CEACAM16: variants seen among roughly 807,000 people sequenced by gnomAD.
CEACAM16 encodes the protein CEA cell adhesion molecule 16, tectorial membrane component, also known as cell adhesion molecule CEACAM16.
In CEACAM16, 30 loss-of-function variants were observed where a neutral mutation model predicts 39.4. That is an observed-to-expected ratio of 0.76 (90% CI 0.57 to 1.03). CEACAM16 has a LOEUF of 1.03. Ranked by LOEUF, CEACAM16 falls within the 50% of genes least tolerant of loss-of-function variation. The pLI, the probability that CEACAM16 is intolerant of heterozygous loss-of-function variation, is 0.00. For synonymous variants in CEACAM16, 262 were observed against 264.9 expected (o/e 0.99, Z 0.11); for missense variants, 521 against 585.3 (o/e 0.89, Z 1.13).
chr19:44,710,379 T>C (rs1974518024), intron 6 of CEACAM16, 117 bp from the exon 7 acceptor site: 7 of 1,103,104 alleles, frequency 6.3e-6, no homozygotes. Flanking sequence ...GTGGGGTGGA[T>C]TGGGCCACTG....
In CEACAM16 at chr19:44,704,048, A is replaced by C; in HGVS notation, c.413A>C (p.Asn138Thr). 6.2e-7 allele frequency: 1 copy of C among 1,606,678 alleles called. No homozygotes were observed. The change falls in exon 4 of 7, where the codon AAC (asparagine) becomes ACC (threonine). Residue 138 changes from asparagine (N) to threonine (T), a missense_variant. Physicochemically the swap from Asn to Thr is moderately conservative, Grantham distance 65 (BLOSUM62 0). Transcript: ENST00000587331. ...EILAQPTVLA[N>T]STALVERRDT... Reference sequence around the variant, plus strand: ...CTGGCCCAGCCCACAGTCTTGGCCAACAGCACAGCGCTGGTGGAACGTCGA... The same window carrying C: ...CTGGCCCAGCCCACAGTCTTGGCCACCAGCACAGCGCTGGTGGAACGTCGA...
At position 44,707,881 on chromosome 19, in the gene CEACAM16, A is replaced by G; in HGVS notation, c.961A>G (p.Ile321Val). Reference protein sequence around the residue: ...KLSAAAVATMIVPVPTKPTEG... With the variant: ...KLSAAAVATMVVPVPTKPTEG... ...CCCAGCTGCAGCAGTTGCCACGATGATCGTGCCCGTGCCCACCAAGCCAAC... is the reference window on the plus strand; with the variant it reads ...CCCAGCTGCAGCAGTTGCCACGATGGTCGTGCCCGTGCCCACCAAGCCAAC... The change falls in exon 6 of 7, where the codon ATC (isoleucine) becomes GTC (valine). Residue 321 changes from isoleucine (I) to valine (V), a missense_variant. Physicochemically the swap from Ile to Val is conservative, Grantham distance 29. Transcript: ENST00000587331. 1 of 1,553,426 alleles carries G rather than the reference A, an allele frequency of 6.4e-7. No individual in the cohort carries two copies. Among genetic ancestry groups the G allele is most frequent in the Non-Finnish European group, 8.8e-7 (1 of 1,141,654 alleles).
intron 4 of CEACAM16, among the ~76,000 whole-genome samples, chr19:44,704,855 A>C (rs1974417639): frequency 6.6e-6 from 1 of 152,244 alleles, no homozygotes; most frequent in South Asian, 2.1e-4. Flanking sequence ...AGTTAGGAGC[A>C]ATATCTACAG....
At chr19:44,704,339 C>T in intron 4 of CEACAM16, 43 bp downstream of exon 4, 1 of 1,446,472 alleles carries the variant, frequency 6.9e-7, no homozygotes, top group Non-Finnish European at 9.1e-7. Flanking sequence ...GTGTCCAAAC[C>T]TCATGGATGG....
chr19:44,704,644 A>G (rs897679353), intron 4 of CEACAM16, among the ~76,000 whole-genome samples: 1 of 152,048 alleles, frequency 6.6e-6, no homozygotes, highest in African/African-American at 2.4e-5. Flanking sequence ...AGATGGGAGG[A>G]TTCCTTGAGC....
rs577629047 is a variant in CEACAM16 at position 44,704,186 on chromosome 19, G to A, written c.551G>A (p.Arg184Gln). The A allele has an allele frequency of 6.2e-5, 98 of 1,571,278 alleles. No individual in the cohort carries two copies. The East Asian group carries it at 9.2e-4, about 15-fold the overall frequency. Residue 184 changes from arginine to glutamine, a missense_variant, in exon 4 of 7, where the codon CGG becomes CAG. Arg to Gln is a conservative substitution (Grantham distance 43). Transcript: ENST00000587331. ...ALRLGLSPDG[R>Q]VLARHGIRRE... is the part of the protein sequence containing the mutation. ...CGCCTGGGCCTGTCCCCTGACGGCCGGGTGCTGGCCAGGCATGGCATCCGC... is the reference window on the plus strand; with the variant it reads ...CGCCTGGGCCTGTCCCCTGACGGCCAGGTGCTGGCCAGGCATGGCATCCGC...
Position 44,705,802 on chromosome 19 carries a change from A to C in CEACAM16, c.874A>C (p.Thr292Pro). The C allele has an allele frequency of 1.2e-6, 2 of 1,614,010 alleles. No individual in the cohort carries two copies. Among genetic ancestry groups the C allele is most frequent in the Non-Finnish European group, 1.7e-6 (2 of 1,179,886 alleles). ...SMTAAQEGTY[T>P]CIAKNTKTLL... ...GACAGCCGCCCAGGAGGGGACGTAC[A>C]CATGTATTGCGAAGAACACCAAGAC... is the stretch of plus-strand genomic sequence containing the variant. Residue 292 changes from threonine to proline, a missense_variant, in exon 5 of 7, where the codon ACA becomes CCA. Coordinates refer to ENST00000587331, the MANE Select transcript of CEACAM16 (RefSeq NM_001039213.4).
chr19:44,699,494 A>G (rs1433442880), intron 1 of CEACAM16: 4 of 452,190 alleles, frequency 8.8e-6, no homozygotes, highest in South Asian at 6.5e-5. Flanking sequence ...CTCCTGCTTC[A>G]GCCTCCCAAG....
chr19:44,710,353 C>G (rs1974517733), intron 6 of CEACAM16, 143 bp from the exon 7 acceptor site: 1 of 824,874 alleles, frequency 1.2e-6, no homozygotes, highest in Non-Finnish European at 1.9e-6. Flanking sequence ...GAACCTGAAC[C>G]TGGCACAGGC....
intron 2 of CEACAM16, 104 bp from the exon 3 acceptor site, chr19:44,703,245 G>A: frequency 9.9e-7 from 1 of 1,007,320 alleles, no homozygotes; most frequent in Non-Finnish European, 1.4e-6. Context: ...TTACACAGAG[G>A]ACACTGGGCT....
chr19:44,701,363 C>G lies in CEACAM16; in HGVS notation c.-94C>G, dbSNP rs1340284176. 7.5e-7 allele frequency: 1 copy of G among 1,335,734 alleles called. No individual in the cohort carries two copies. The allele number at this position is 1,335,734 out of a possible 1,614,324, so 82.7% of individuals were successfully genotyped here. On this transcript the variant is annotated splice_region_variant and 5_prime_UTR_variant, in exon 2 of 7. Transcript: ENST00000587331. The surrounding 1 kb of genome is among the most constrained non-coding windows in gnomAD (Gnocchi z 4.0). ...TCCAAATCACCAAACCCTCCCAGGT[C>G]CTGCGGCAGACGGAGCCGAGCCCCA...
Position 44,708,123 on chromosome 19 carries a change from C to T in CEACAM16, c.1203C>T (p.Tyr401=), listed in dbSNP as rs61744494. 5.2e-4 allele frequency: 831 copies of T among 1,609,188 alleles called. 4 individuals carry two copies. The African/African-American group carries it at 9.6e-3, about 19-fold the overall frequency. The change falls in exon 6 of 7, where the codon TAC becomes TAT. Residue 401 remains tyrosine, a synonymous_variant. Coordinates refer to ENST00000587331, the MANE Select transcript of CEACAM16 (RefSeq NM_001039213.4). ...TGAACCTCACAGACACTGGCCGCTA[C>T]ACACTCAAGACTGTCACAGTGCAGG... The part of the protein sequence containing the change: ...QKLNLTDTGR[Y]TLKTVTVQGK...
chr19:44,702,611 C>T (rs530037768), intron 2 of CEACAM16, among the ~76,000 whole-genome samples: 3 of 152,386 alleles, frequency 2.0e-5, no homozygotes, highest in African/African-American at 7.2e-5. Context: ...GGCTGATCTG[C>T]TTGGTTGAGA....
chr19:44,701,619 C>T lies in CEACAM16; in HGVS notation c.37+126C>T, dbSNP rs1369391345. 8 of 918,806 alleles carry T rather than the reference C, an allele frequency of 8.7e-6. No homozygotes were observed. Among genetic ancestry groups the T allele is most frequent in the South Asian group, 1.4e-5 (1 of 70,858 alleles). 56.9% of individuals were successfully genotyped at this position (918,806 alleles called of 1,614,324 possible). A position where few individuals can be genotyped will look rare whatever the true frequency, so the allele number is the denominator to read the frequency against. ...AGCGTGCTAGGGAGGGAGGGCAGCC[C>T]TGCTTCACACCGGCAGTTTACCCCT... On this transcript the variant is annotated intron_variant, in intron 2 of 6. Transcript: ENST00000587331. The surrounding 1 kb of genome is among the most constrained non-coding windows in gnomAD (Gnocchi z 4.0).
Position 44,701,397 on chromosome 19 carries a change from G to A in CEACAM16, c.-60G>A. 6.5e-7 allele frequency: 1 copy of A among 1,536,242 alleles called. No individual in the cohort carries two copies. Among genetic ancestry groups the A allele is most frequent in the East Asian group, 2.4e-5 (1 of 40,916 alleles). Reference sequence around the variant, plus strand: ...GACGGAGCCGAGCCCCAACCAGGAAGGGAGTCCGAGCACTGGGACTTCAAC... The same window carrying A: ...GACGGAGCCGAGCCCCAACCAGGAAAGGAGTCCGAGCACTGGGACTTCAAC... On this transcript the variant is annotated 5_prime_UTR_variant, in exon 2 of 7. Coordinates refer to ENST00000587331, the MANE Select transcript of CEACAM16 (RefSeq NM_001039213.4). The surrounding 1 kb of genome is among the most constrained non-coding windows in gnomAD (Gnocchi z 4.0).
Position 44,710,631 on chromosome 19 carries a change from C to A in CEACAM16, c.*125C>A. The A allele has an allele frequency of 1.4e-6, 2 of 1,395,552 alleles. No individual in the cohort carries two copies. Among genetic ancestry groups the A allele is most frequent in the Non-Finnish European group, 2.0e-6 (2 of 988,846 alleles). 86.4% of individuals were successfully genotyped at this position (1,395,552 alleles called of 1,614,324 possible). On this transcript the variant is annotated 3_prime_UTR_variant, in exon 7 of 7. Transcript: ENST00000587331. ...GGCTGTGGTCCTGCTGTTCTCCTGC[C>A]TCCACCCTAGAGCTAGAGCCACAGG...
At position 44,708,024 on chromosome 19, in the gene CEACAM16, A is replaced by G. The variant is rs750455256; in HGVS notation, c.1104A>G (p.Gly368=). The change falls in exon 6 of 7, where the codon GGA becomes GGG. Residue 368 remains glycine, a synonymous_variant. Coordinates refer to ENST00000587331, the MANE Select transcript of CEACAM16 (RefSeq NM_001039213.4). ...PNRLLSQLPS[G]TWIAGPAHTG... ...GGCTGCTCAGCCAGCTGCCGTCAGG[A>G]ACCTGGATTGCAGGCCCCGCGCACA... is the stretch of plus-strand genomic sequence containing the variant. 2.7e-5 allele frequency: 43 copies of G among 1,611,986 alleles called. No homozygotes were observed. Among genetic ancestry groups the G allele is most frequent in the Middle Eastern group, 1.7e-4 (1 of 6,014 alleles).
chr19:44,699,273 C>T lies in CEACAM16; in HGVS notation c.-97+13C>T. The T allele has an allele frequency of 7.5e-6, 4 of 534,392 alleles. No homozygotes were observed. The highest frequency in any genetic ancestry group is 5.6e-5 in the South Asian group (4 of 71,492). The allele number at this position is 534,392 out of a possible 1,614,324, so 33.1% of individuals were successfully genotyped here. On this transcript the variant is annotated intron_variant, in intron 1 of 6. Transcript: ENST00000587331. The stretch of plus-strand genomic sequence containing the variant: ...TGCGCCAGTCGTGGTAAGTACTGTA[C>T]TTCACATGTGTATCTACTTAATCCT...
At chr19:44,706,180 C>G (rs1294925218) in intron 5 of CEACAM16, among the ~76,000 whole-genome samples, 4 of 151,564 alleles carry the variant, frequency 2.6e-5, no homozygotes, top group Non-Finnish European at 5.9e-5. Flanking sequence ...GGGCCTTGAC[C>G]CTCTACCCGC....
Sources: allele counts gnomAD v4.1 joint callset (sites outside exome capture counted in the v4.1 genomes callset), GRCh38; gene constraint gnomAD v4.1.1; non-coding constraint Gnocchi (gnomAD v3.1); transcripts MANE v1.5; gene names NCBI Gene and HGNC (gene_info 2026-07-23, HGNC 2026-07-21).